Variants in TBC1D22A observed in about 807,000 individuals in gnomAD.
TBC1D22A encodes TBC1 domain family member 22A.
A neutral mutation model predicts 60.2 loss-of-function variants in TBC1D22A; 38 were observed. That is an observed-to-expected ratio of 0.63 (90% CI 0.49 to 0.83). The LOEUF (loss-of-function observed/expected upper bound fraction) is 0.83, where lower values mean the gene tolerates loss of function less well. Among genes scored for constraint, TBC1D22A ranks in the 40% least tolerant of loss-of-function variants. The pLI is 0.00. For missense variants in TBC1D22A, 628 were observed against 701.0 expected, an observed-to-expected ratio of 0.90 and a Z score of 1.18; for synonymous variants, 302 against 281.7, an observed-to-expected ratio of 1.07 and a Z score of -0.72.
chr22:46,868,186 A>T (rs1285441287), intron 4 of TBC1D22A, among the ~76,000 whole-genome samples: 1 of 152,224 alleles, frequency 6.6e-6, no homozygotes, highest in East Asian at 1.9e-4. Context: ...TAAGTGTAAG[A>T]AAATGATTGC....
chr22:46,974,559 C>T (rs780473266), intron 9 of TBC1D22A, among the ~76,000 whole-genome samples, 160 bp downstream of exon 9: 27 of 152,178 alleles, frequency 1.8e-4, no homozygotes, highest in Non-Finnish European at 3.8e-4. Flanking sequence ...TCCGGGTTGA[C>T]GAGGGGTGAG....
intron 12 of TBC1D22A, among the ~76,000 whole-genome samples, chr22:47,115,372 A>G (rs1259848467): frequency 2.5e-5 from 2 of 79,482 alleles, no homozygotes; most frequent in African/African-American, 1.0e-4. Flanking sequence ...CCGGCTCCAC[A>G]TGTTGATGTC....
intron 4 of TBC1D22A, among the ~76,000 whole-genome samples, chr22:46,824,142 C>T (rs1197081677): frequency 1.3e-5 from 2 of 152,156 alleles, no homozygotes; most frequent in Non-Finnish European, 2.9e-5. Flanking sequence ...ATAACTTACA[C>T]TCAGTTTTCT....
At chr22:46,843,696 A>G (rs1008876751) in intron 4 of TBC1D22A, among the ~76,000 whole-genome samples, 2 of 152,050 alleles carry the variant, frequency 1.3e-5, no homozygotes, top group Non-Finnish European at 2.9e-5. Flanking sequence ...CACTCTTAAC[A>G]GTTTAAGAGG....
intron 11 of TBC1D22A, among the ~76,000 whole-genome samples, chr22:47,058,164 C>T (rs550403017): frequency 1.8e-4 from 27 of 152,322 alleles, no homozygotes; most frequent in East Asian, 3.9e-4. Flanking sequence ...ACCCTGCGTG[C>T]GGACTCCTGT....
chr22:46,915,957 TG>T, intron 8 of TBC1D22A: 1 of 445,060 alleles, frequency 2.2e-6, no homozygotes, highest in South Asian at 1.6e-5. Context: ...TTCTTTGACT[TG>T]GAAAGAAGGA....
intron 10 of TBC1D22A, among the ~76,000 whole-genome samples, chr22:47,002,185 T>C (rs987497363): frequency 1.3e-5 from 2 of 152,252 alleles, no homozygotes; most frequent in African/African-American, 4.8e-5. Context: ...ACGATGAGAT[T>C]TCCACTCCGT....
intron 1 of TBC1D22A, among the ~76,000 whole-genome samples, chr22:46,786,268 A>ATC (rs2084156412): frequency 6.6e-6 from 1 of 152,212 alleles, no homozygotes; most frequent in African/African-American, 2.4e-5. Context: ...TATTTAGATG[A>ATC]TCATGTGGTT....
At chr22:46,956,621 G>A (rs1170021636) in intron 8 of TBC1D22A, among the ~76,000 whole-genome samples, 1 of 152,138 alleles carries the variant, frequency 6.6e-6, no homozygotes, top group Non-Finnish European at 1.5e-5. Flanking sequence ...GATGTGTAGT[G>A]CCCTGTCAAG....
intron 11 of TBC1D22A, among the ~76,000 whole-genome samples, chr22:47,093,793 A>T (rs1320983660): frequency 6.6e-6 from 1 of 152,216 alleles, no homozygotes; most frequent in African/African-American, 2.4e-5. Context: ...GTCAAACATT[A>T]TTCTGGATGT....
At chr22:46,983,201 C>T (rs2074583395) in intron 9 of TBC1D22A, among the ~76,000 whole-genome samples, 1 of 152,184 alleles carries the variant, frequency 6.6e-6, no homozygotes, top group Admixed American at 6.5e-5. Context: ...GAGGTTTCCA[C>T]AGTGCAGGAG....
In TBC1D22A at chr22:47,159,699, C is replaced by T. The variant is rs534083813; in HGVS notation, c.1426-13799C>T. On this transcript the variant is annotated intron_variant, in intron 12 of 12. Transcript: ENST00000337137. ...CATAGACACGCCATGCACCACACAC[C>T]ACATATACACACGCACACTACACAA... Among the ~76,000 whole-genome samples, 11 of 151,816 alleles carry T rather than the reference C, an allele frequency of 7.2e-5. No homozygotes were observed. The South Asian group carries it at 2.3e-3, about 32-fold the overall frequency.
At chr22:47,081,958 G>A (rs1273314437) in intron 11 of TBC1D22A, among the ~76,000 whole-genome samples, 1 of 152,166 alleles carries the variant, frequency 6.6e-6, no homozygotes, top group Non-Finnish European at 1.5e-5. Context: ...AGGAGTTCAA[G>A]ACCAGCCTGG....
intron 1 of TBC1D22A, among the ~76,000 whole-genome samples, chr22:46,781,391 G>A (rs1394163849): frequency 6.6e-6 from 1 of 152,130 alleles, no homozygotes; most frequent in African/African-American, 2.4e-5. Context: ...GCCCGTGCTG[G>A]TCTTGAACTC....
At chr22:47,162,348 T>G (rs1249423999) in intron 12 of TBC1D22A, among the ~76,000 whole-genome samples, 3 of 152,112 alleles carry the variant, frequency 2.0e-5, no homozygotes, top group African/African-American at 7.2e-5. Context: ...GTTTTCACTT[T>G]GTGCGTTCAA....
chr22:47,074,477 T>C (rs2064123837), intron 11 of TBC1D22A, among the ~76,000 whole-genome samples: 1 of 152,226 alleles, frequency 6.6e-6, no homozygotes, highest in Admixed American at 6.5e-5. Context: ...TTCAAAACTT[T>C]TTCTCTGGAG....
intron 10 of TBC1D22A, among the ~76,000 whole-genome samples, chr22:47,033,000 C>G (rs546993457): frequency 6.6e-6 from 1 of 152,254 alleles, no homozygotes; most frequent in African/African-American, 2.4e-5. Context: ...GTCGTCCTGG[C>G]TGCTCTTCCC....
Position 47,008,404 on chromosome 22 carries a change from A to T in TBC1D22A, c.1201+10695A>T, listed in dbSNP as rs549561050. ...TGGCCTTGATAACTGGCACTTGCCA[A>T]CTCTCCCCAGGTGTAGAGTTCCCTC... On this transcript the variant is annotated intron_variant, in intron 10 of 12. Coordinates refer to ENST00000337137, the MANE Select transcript of TBC1D22A (RefSeq NM_014346.5). Among the ~76,000 whole-genome samples, 4 of 151,974 alleles carry T rather than the reference A, an allele frequency of 2.6e-5. No homozygotes were observed. The South Asian group carries it at 8.3e-4, about 32-fold the overall frequency.
chr22:47,058,488 C>A (rs1451670029), intron 11 of TBC1D22A, among the ~76,000 whole-genome samples: 1 of 152,084 alleles, frequency 6.6e-6, no homozygotes, highest in Non-Finnish European at 1.5e-5. Context: ...CCAGTCTAGT[C>A]CAGCATTAGA....
Sources: allele counts gnomAD v4.1 joint callset (sites outside exome capture counted in the v4.1 genomes callset), GRCh38; gene constraint gnomAD v4.1.1; transcripts MANE v1.5; gene names NCBI Gene and HGNC (gene_info 2026-07-23, HGNC 2026-07-21).